The following TYW1 variants were observed in gnomAD, a reference collection of about 807,000 sequenced individuals.
TYW1 encodes the protein tRNA-yW synthesizing protein 1 homolog.
In TYW1, 46 loss-of-function variants were observed where a neutral mutation model predicts 96.2. The observed-to-expected ratio is 0.48, with a 90% CI of 0.38 to 0.61. The LOEUF (loss-of-function observed/expected upper bound fraction) is 0.61. Among genes scored for constraint, TYW1 ranks in the 20% least tolerant of loss-of-function variants. TYW1 has a pLI of 0.00. For missense variants in TYW1, 684 were observed against 909.6 expected, an observed-to-expected ratio of 0.75 and a Z score of 3.19; for synonymous variants, 274 against 323.0, an observed-to-expected ratio of 0.85 and a Z score of 1.63.
intron 7 of TYW1, among the ~76,000 whole-genome samples, chr7:67,029,511 G>T (rs1225719906): frequency 1.3e-5 from 2 of 150,796 alleles, no homozygotes; most frequent in African/African-American, 2.4e-5. Flanking sequence ...TGGGTATCCT[G>T]TAGTTCAATT....
intron 2 of TYW1, 28 bp downstream of exon 2, chr7:66,998,223 G>A (rs1049963079): frequency 6.3e-7 from 1 of 1,586,378 alleles, no homozygotes; most frequent in Middle Eastern, 1.7e-4. Context: ...TTTTTTAATG[G>A]AGTATTTAGG....
At chr7:67,133,466 A>G (rs77221393) in intron 13 of TYW1, among the ~76,000 whole-genome samples, 41,895 of 151,770 alleles carry the variant, frequency 0.28, 6,628 homozygotes, top group African/African-American at 0.44. Flanking sequence ...TTGGGAGGCC[A>G]AGGCAGGCGG....
At chr7:67,205,395 G>A (rs542728648) in intron 15 of TYW1, among the ~76,000 whole-genome samples, 23 of 151,790 alleles carry the variant, frequency 1.5e-4, no homozygotes, top group African/African-American at 4.6e-4. Flanking sequence ...GCGGGGGGGG[G>A]GCCTTATTGC....
rs577724611 is a variant in TYW1 at position 67,217,973 on chromosome 7, C to A, written c.1978-20335C>A. Among the ~76,000 whole-genome samples, 360 of 150,608 alleles carry A rather than the reference C, an allele frequency of 2.4e-3. 2 individuals are homozygous for A. The highest frequency in any genetic ancestry group is 8.3e-3 in the African/African-American group (342 of 41,062). On this transcript the variant is annotated intron_variant, in intron 15 of 15. Transcript: ENST00000359626. ...TCCCGGGTTCAAGTGATTCTCCTTCCTCAGCCTCCCAAGTAGCTGGGATTA... is the reference window on the plus strand; with the variant it reads ...TCCCGGGTTCAAGTGATTCTCCTTCATCAGCCTCCCAAGTAGCTGGGATTA...
In TYW1 at chr7:66,998,091, T is replaced by G; in HGVS notation, c.31T>G (p.Phe11Val). The G allele has an allele frequency of 6.2e-7, 1 of 1,608,904 alleles. No individual in the cohort carries two copies. The highest frequency in any genetic ancestry group is 8.5e-7 in the Non-Finnish European group (1 of 1,178,750). Reference protein sequence around the residue: MDPSADTWDLFSPLISLWINR... With the variant: MDPSADTWDLVSPLISLWINR... Reference sequence around the variant, plus strand: ...TCCTTCTGCGGATACATGGGACCTCTTCTCACCTTTAATATCATTATGGAT... The same window carrying G: ...TCCTTCTGCGGATACATGGGACCTCGTCTCACCTTTAATATCATTATGGAT... The change falls in exon 2 of 16, where the codon TTC becomes GTC. Residue 11 changes from phenylalanine to valine, a missense_variant. Transcript: ENST00000359626.
At chr7:67,060,319 G>A (rs575257888) in intron 9 of TYW1, among the ~76,000 whole-genome samples, 2 of 152,044 alleles carry the variant, frequency 1.3e-5, no homozygotes, top group South Asian at 2.1e-4. Context: ...CAAGTGATCC[G>A]TCCGCCTTGG....
intron 15 of TYW1, among the ~76,000 whole-genome samples, chr7:67,222,754 C>T (rs919494754): frequency 1.3e-5 from 2 of 151,604 alleles, no homozygotes; most frequent in Non-Finnish European, 2.9e-5. Context: ...ACCATTATTT[C>T]TTCAAGCATT....
intron 9 of TYW1, among the ~76,000 whole-genome samples, chr7:67,056,421 G>A (rs1795519027): frequency 6.6e-6 from 1 of 151,786 alleles, no homozygotes; most frequent in African/African-American, 2.4e-5. Flanking sequence ...GAACCCAGGA[G>A]GCAGAGGTTT....
Position 67,136,628 on chromosome 7 carries a change from A to G in TYW1, c.1698+19010A>G, listed in dbSNP as rs550534134. On this transcript the variant is annotated intron_variant, in intron 13 of 15. Coordinates refer to ENST00000359626, the MANE Select transcript of TYW1 (RefSeq NM_018264.4). ...GTAGATCCACATACCATATATTAGTATGTGTGTGTGTTTATACAGTGCGTG... is the reference window on the plus strand; with the variant it reads ...GTAGATCCACATACCATATATTAGTGTGTGTGTGTGTTTATACAGTGCGTG... Among the ~76,000 whole-genome samples the G allele has an allele frequency of 1.5e-3, 194 of 127,866 alleles. 1 individual carries two copies. The highest frequency in any genetic ancestry group is 3.6e-3 in the Admixed American group (45 of 12,534). The allele number at this position is 127,866 out of a possible 152,430, so 83.9% of individuals were successfully genotyped here.
At chr7:67,175,231 G>A (rs4621684) in intron 13 of TYW1, among the ~76,000 whole-genome samples, 42,024 of 150,086 alleles carry the variant, frequency 0.28, 6,357 homozygotes, top group African/African-American at 0.4. Context: ...GAGTGCGATG[G>A]CGTGATCTCA....
At chr7:67,009,560 G>A (rs1230112882) in intron 3 of TYW1, 23 bp from the exon 4 acceptor site, 18 of 1,604,014 alleles carry the variant, frequency 1.1e-5, no homozygotes, top group Non-Finnish European at 1.5e-5. Flanking sequence ...GACTTTATTT[G>A]ATGTTTTTTT....
chr7:67,080,962 T>TGTG (rs1796373164), intron 10 of TYW1, among the ~76,000 whole-genome samples: 1 of 128,668 alleles, frequency 7.8e-6, no homozygotes, highest in African/African-American at 3.0e-5. Flanking sequence ...TTTTTTTTTT[T>TGTG]TTTTTGCAGT....
At chr7:67,055,345 C>G (rs531929626) in intron 8 of TYW1, among the ~76,000 whole-genome samples, 1 of 152,080 alleles carries the variant, frequency 6.6e-6, no homozygotes, top group Admixed American at 6.5e-5. Context: ...GCTTGTAATC[C>G]CAGCACTTTG....
At position 67,180,413 on chromosome 7, in the gene TYW1, TATATATATATAA is replaced by T. The variant is rs1477894737; in HGVS notation, c.1699-2712_1699-2701del. Among the ~76,000 whole-genome samples the T allele has an allele frequency of 4.2e-4, 52 of 123,830 alleles. 13 individuals carry two copies. The highest frequency in any genetic ancestry group is 6.8e-4 in the Non-Finnish European group (41 of 59,890). The allele number at this position is 123,830 out of a possible 152,430, so 81.2% of individuals were successfully genotyped here. ...ATATATATATATATATATTTATATA[TATATATATATAA>T]TTTTTTTTTTGGTAACTGGCCTAAT... On this transcript the variant is annotated intron_variant, in intron 13 of 15. Transcript: ENST00000359626.
chr7:67,032,390 G>A (rs1349196820), intron 7 of TYW1, among the ~76,000 whole-genome samples: 4 of 152,042 alleles, frequency 2.6e-5, no homozygotes, highest in East Asian at 1.9e-4. Context: ...AGGCCGAGAC[G>A]GATGGATCAC....
rs550291551 is a variant in TYW1 at position 67,076,758 on chromosome 7, G to T, written c.1275-6672G>T. On this transcript the variant is annotated intron_variant, in intron 10 of 15. Coordinates refer to ENST00000359626, the MANE Select transcript of TYW1 (RefSeq NM_018264.4). ...TCCAAAGTGCTGGGATTACAGGCTT[G>T]AGCCACTGCACTCAGCCTTTTTTTT... 3.4e-5 allele frequency among the ~76,000 whole-genome samples: 5 copies of T among 148,886 alleles called. No individual in the cohort carries two copies. In the South Asian group the frequency reaches 1.1e-3, roughly 32 times the overall value.
chr7:67,135,302 GTTTTTTT>G (rs869257148), intron 13 of TYW1, among the ~76,000 whole-genome samples: 3 of 111,816 alleles, frequency 2.7e-5, no homozygotes, highest in African/African-American at 3.8e-5. Flanking sequence ...TGTTAAAACA[GTTTTTTT>G]TTTTTTTTTT....
chr7:67,055,394 C>T (rs992507660), intron 8 of TYW1, among the ~76,000 whole-genome samples: 2 of 151,940 alleles, frequency 1.3e-5, no homozygotes, highest in East Asian at 1.9e-4. Context: ...GACAGGAGTT[C>T]GAGACCAGCC....
intron 3 of TYW1, among the ~76,000 whole-genome samples, chr7:67,006,676 G>A (rs1793603837): frequency 6.6e-6 from 1 of 152,102 alleles, no homozygotes; most frequent in South Asian, 2.1e-4. Flanking sequence ...CTGACCTCAA[G>A]TGATCCGCCC....
Sources: gnomAD v4.1 joint callset for allele counts (sites outside exome capture counted in the v4.1 genomes callset) on GRCh38, gnomAD v4.1.1 for gene constraint, MANE v1.5 for transcripts, NCBI Gene and HGNC (gene_info 2026-07-23, HGNC 2026-07-21) for gene names.